Variants in MATN2 observed in about 807,000 individuals in gnomAD.
MATN2 encodes the protein matrilin-2.
MATN2 carries 69 observed loss-of-function variants against 103.2 expected under a neutral mutation model. The ratio of observed to expected loss-of-function variants is 0.67; its 90% CI spans 0.55 to 0.82. The LOEUF is 0.82. Ranked by LOEUF, MATN2 falls within the 40% of genes least tolerant of loss-of-function variation. The pLI, the probability that MATN2 is intolerant of heterozygous loss-of-function variation, is 0.00. For missense variants in MATN2, 1,023 were observed against 1,211.5 expected (o/e 0.84, Z 2.31); for synonymous variants, 429 against 450.2 (o/e 0.95, Z 0.60).
intron 15 of MATN2, 61 bp from the exon 16 acceptor site, chr8:98,032,185 G>C: frequency 7.2e-7 from 1 of 1,396,250 alleles, no homozygotes; most frequent in Admixed American, 2.0e-5. Context: ...CCAGCTTCCT[G>C]AAGAACACAC....
chr8:98,022,003 A>G (rs1330712235), intron 13 of MATN2, among the ~76,000 whole-genome samples: 1 of 152,212 alleles, frequency 6.6e-6, no homozygotes, highest in Non-Finnish European at 1.5e-5. Flanking sequence ...CCAGTTCTAG[A>G]AGTTTATCTT....
intron 3 of MATN2, among the ~76,000 whole-genome samples, chr8:97,937,583 C>CTTTTTTTTTTTTTTTTTTTTTTTTTTTTT (rs376203275): frequency 1.1e-5 from 1 of 89,814 alleles, no homozygotes; most frequent in African/African-American, 4.6e-5. Flanking sequence ...TCCCCACTAA[C>CTTTTTTTTTTTTTTTTTTTTTTTTTTTTT]TTTTTTTTTT....
chr8:97,951,827 T>C (rs897410413), intron 4 of MATN2, among the ~76,000 whole-genome samples: 1 of 152,126 alleles, frequency 6.6e-6, no homozygotes, highest in African/African-American at 2.4e-5. Context: ...TTCCTCCTTT[T>C]CCCTTCCCCG....
In MATN2 at chr8:97,957,795, T is replaced by C. The variant is rs113745331; in HGVS notation, c.836-3613T>C. The stretch of plus-strand genomic sequence containing the variant: ...TTTTATCTGTTAGGTTCAATGACAT[T>C]CAGCCTGGCTGCACACTGGGGCTAC... On this transcript the variant is annotated intron_variant, in intron 4 of 18. Coordinates refer to ENST00000254898, the MANE Select transcript of MATN2 (RefSeq NM_002380.5). Among the ~76,000 whole-genome samples the C allele has an allele frequency of 1.6e-3, 245 of 152,286 alleles. 2 individuals carry two copies. Among genetic ancestry groups the C allele is most frequent in the African/African-American group, 5.5e-3 (228 of 41,568 alleles).
At chr8:98,012,067 C>T (rs1482582306) in intron 10 of MATN2, among the ~76,000 whole-genome samples, 4 of 152,224 alleles carry the variant, frequency 2.6e-5, no homozygotes, top group Non-Finnish European at 2.9e-5. Context: ...AGATTTCTTA[C>T]ATCCTCCCAC....
At chr8:98,025,161 T>C (rs1210642634) in intron 13 of MATN2, 1 of 152,224 alleles carries the variant, frequency 6.6e-6, no homozygotes, top group East Asian at 1.9e-4. Flanking sequence ...AATGAAGCTT[T>C]GAGTTGGCCT....
chr8:97,995,008 C>A (rs1355434165), intron 7 of MATN2, among the ~76,000 whole-genome samples: 2 of 152,178 alleles, frequency 1.3e-5, no homozygotes, highest in African/African-American at 4.8e-5. Context: ...GACATTGCAG[C>A]TTTATTCCCT....
At position 98,027,460 on chromosome 8, in the gene MATN2, TC is replaced by T. The variant is rs1256349970; in HGVS notation, c.1989del (p.Lys664ArgfsTer11). ...PIDLVFVIDG[S>X]KSLGEENFEV... ...TGACCTGGTCTTTGTGATCGATGGA[TC>T]CAAGAGTCTTGGAGAAGAGAATTTT... On this transcript the variant is annotated frameshift_variant, in exon 14 of 19. Transcript: ENST00000254898. LOFTEE classifies it high-confidence loss of function. The T allele has an allele frequency of 1.2e-6, 2 of 1,613,530 alleles. No individual in the cohort carries two copies. The highest frequency in any genetic ancestry group is 4.5e-5 in the East Asian group (2 of 44,860).
intron 5 of MATN2, among the ~76,000 whole-genome samples, chr8:97,975,905 TTGAGAAA>T (rs1811820888): frequency 6.6e-6 from 1 of 152,170 alleles, no homozygotes; most frequent in Admixed American, 6.5e-5. Context: ...CCCTTGGTTC[TTGAGAAA>T]TGAGAAATGA....
At chr8:97,986,239 C>T (rs886841944) in intron 6 of MATN2, among the ~76,000 whole-genome samples, 39 of 151,894 alleles carry the variant, frequency 2.6e-4, no homozygotes, top group Non-Finnish European at 8.8e-5. Flanking sequence ...AACGTTTTAC[C>T]GATTTATACT....
intron 1 of MATN2, among the ~76,000 whole-genome samples, chr8:97,876,168 C>T (rs1390573412): frequency 2.7e-5 from 4 of 150,094 alleles, no homozygotes; most frequent in African/African-American, 9.9e-5. Flanking sequence ...TGTGCCACCA[C>T]GCTTGGCTAA....
chr8:97,942,115 A>T (rs1810588308), intron 4 of MATN2, among the ~76,000 whole-genome samples: 2 of 152,182 alleles, frequency 1.3e-5, no homozygotes. Context: ...AGTTGGAGAG[A>T]TAGGTAGAAG....
chr8:98,034,032 G>C, intron 18 of MATN2: 1 of 398,658 alleles, frequency 2.5e-6, no homozygotes, highest in East Asian at 7.0e-5. Context: ...TATAGACAAA[G>C]AATGTTGTAG....
At chr8:97,942,973 A>C (rs1013153429) in intron 4 of MATN2, among the ~76,000 whole-genome samples, 9 of 151,768 alleles carry the variant, frequency 5.9e-5, no homozygotes, top group African/African-American at 2.2e-4. Flanking sequence ...AGCCCTCTGG[A>C]CTCTGAATCG....
At chr8:97,914,162 C>T (rs996619658) in intron 2 of MATN2, among the ~76,000 whole-genome samples, 2 of 151,890 alleles carry the variant, frequency 1.3e-5, no homozygotes, top group African/African-American at 2.4e-5. Flanking sequence ...TAATTTACAC[C>T]CAAGAGTAGG....
intron 14 of MATN2, 31 bp from the exon 15 acceptor site, chr8:98,030,431 T>C: frequency 6.3e-7 from 1 of 1,596,822 alleles, no homozygotes. Context: ...CAACTCTAAC[T>C]AACTTGCTCT....
chr8:97,914,358 CTTTTTTTTTTTTTTTTTTT>C (rs149996231), intron 2 of MATN2, among the ~76,000 whole-genome samples: 1 of 52,936 alleles, frequency 1.9e-5, no homozygotes, highest in Non-Finnish European at 3.2e-5. Context: ...AAATCCAGAC[CTTTTTTTTTTTTTTTTTTT>C]TTTTTTTTTT....
chr8:97,961,727 T>C (rs76517382), intron 5 of MATN2, among the ~76,000 whole-genome samples, 197 bp downstream of exon 5: 4,198 of 152,336 alleles, frequency 0.028, 192 homozygotes, highest in African/African-American at 0.094. Context: ...AGCGTTTTCT[T>C]ATTCTGGGTC....
chr8:97,983,845 TCTG>T (rs1434167403), intron 6 of MATN2, among the ~76,000 whole-genome samples: 1 of 152,112 alleles, frequency 6.6e-6, no homozygotes, highest in African/African-American at 2.4e-5. Flanking sequence ...AGAGATGGGG[TCTG>T]CTATGTTGCT....
Sources: allele counts gnomAD v4.1 joint callset (sites outside exome capture counted in the v4.1 genomes callset), GRCh38; gene constraint gnomAD v4.1.1; transcripts MANE v1.5; gene names NCBI Gene and HGNC (gene_info 2026-07-23, HGNC 2026-07-21).